The following ANGPT4 variants were observed in gnomAD, a reference collection of about 807,000 sequenced individuals.
The protein encoded by ANGPT4 is angiopoietin-4.
A neutral mutation model predicts 53.0 loss-of-function variants in ANGPT4; 50 were observed. The observed-to-expected ratio is 0.94, with a 90% CI of 0.75 to 1.20. ANGPT4 has a LOEUF of 1.20. Among genes scored for constraint, ANGPT4 ranks in the 50% most tolerant of loss-of-function variants. The pLI, the probability that ANGPT4 is intolerant of heterozygous loss-of-function variation, is 0.00. For synonymous variants in ANGPT4, 251 were observed against 259.7 expected, an observed-to-expected ratio of 0.97 and a Z score of 0.32; for missense variants, 648 against 637.1, an observed-to-expected ratio of 1.02 and a Z score of -0.18.
intron 1 of ANGPT4, among the ~76,000 whole-genome samples, chr20:894,687 A>G (rs1981976413): frequency 6.6e-6 from 1 of 152,228 alleles, no homozygotes; most frequent in Admixed American, 6.5e-5. Context: ...TGCTCCAAGT[A>G]GTCAAACAGC....
chr20:906,890 C>T (rs1361186787), intron 1 of ANGPT4, among the ~76,000 whole-genome samples: 3 of 152,232 alleles, frequency 2.0e-5, no homozygotes, highest in African/African-American at 4.8e-5. Context: ...TGGGGACCAA[C>T]GGGCTCTCAC....
chr20:881,100 C>G (rs4816045), intron 5 of ANGPT4, 71 bp downstream of exon 5: 218,811 of 1,229,528 alleles, frequency 0.18, 24,179 homozygotes, highest in African/African-American at 0.51. Flanking sequence ...CGATGGGGTG[C>G]GGGGTGTCTG....
In ANGPT4 at chr20:888,581, C is replaced by T. The variant is rs1468682538; in HGVS notation, c.466-142G>A. On this transcript the variant is annotated intron_variant, in intron 2 of 8. Transcript: ENST00000381922. ...CAGTCGTAGTTCCTGTGGTTACTCA[C>T]TCACAGGCCCTGACTTAAGCTTATT... The T allele has an allele frequency of 7.4e-6, 10 of 1,353,902 alleles. No homozygotes were observed. The East Asian group carries it at 2.1e-4, about 28-fold the overall frequency. 83.9% of individuals were successfully genotyped at this position (1,353,902 alleles called of 1,614,324 possible).
At chr20:904,198 A>G (rs6108134) in intron 1 of ANGPT4, among the ~76,000 whole-genome samples, 8,942 of 152,280 alleles carry the variant, frequency 0.059, 687 homozygotes, top group African/African-American at 0.18. Flanking sequence ...CTCAACCCAC[A>G]GTTCCCTCCC....
intron 2 of ANGPT4, 103 bp from the exon 3 acceptor site, chr20:888,542 C>T (rs1227258044): frequency 1.3e-6 from 2 of 1,494,166 alleles, no homozygotes; most frequent in Admixed American, 4.4e-5. Flanking sequence ...GAAACTTACC[C>T]ATTTCCACTC....
chr20:889,179 C>G (rs73892516), intron 2 of ANGPT4, among the ~76,000 whole-genome samples: 12 of 151,984 alleles, frequency 7.9e-5, no homozygotes, highest in South Asian at 4.2e-4. Flanking sequence ...CTCATCCCCC[C>G]CCACCACTCC....
chr20:912,495 C>A (rs927692009), intron 1 of ANGPT4, among the ~76,000 whole-genome samples: 3 of 152,210 alleles, frequency 2.0e-5, no homozygotes, highest in African/African-American at 7.2e-5. Context: ...TTCCTGCCTG[C>A]AGCTTCTCAT....
chr20:910,159 G>A (rs1004234728), intron 1 of ANGPT4, among the ~76,000 whole-genome samples: 1 of 152,188 alleles, frequency 6.6e-6, no homozygotes, highest in Non-Finnish European at 1.5e-5. Context: ...CTTCTTGGCT[G>A]TAAGATCTTG....
chr20:903,887 A>T (rs1303675512), intron 1 of ANGPT4, among the ~76,000 whole-genome samples: 3 of 152,082 alleles, frequency 2.0e-5, no homozygotes, highest in African/African-American at 4.8e-5. Context: ...AGTGAGGGGG[A>T]GACCTAAATG....
intron 7 of ANGPT4, among the ~76,000 whole-genome samples, chr20:877,695 C>T (rs1981222042): frequency 6.6e-6 from 1 of 152,134 alleles, no homozygotes; most frequent in African/African-American, 2.4e-5. Flanking sequence ...GCTCATCCTG[C>T]TATTGAAGAA....
At chr20:907,386 G>T (rs929300746) in intron 1 of ANGPT4, among the ~76,000 whole-genome samples, 3 of 152,132 alleles carry the variant, frequency 2.0e-5, no homozygotes, top group Non-Finnish European at 4.4e-5. Flanking sequence ...ATCTGGACTT[G>T]GGAGGGGCTG....
chr20:901,551 G>T (rs1476194200), intron 1 of ANGPT4, among the ~76,000 whole-genome samples: 1 of 152,148 alleles, frequency 6.6e-6, no homozygotes, highest in African/African-American at 2.4e-5. Flanking sequence ...AAGCTTTATT[G>T]CTCACACAAA....
At chr20:897,967 C>A (rs546547886) in intron 1 of ANGPT4, among the ~76,000 whole-genome samples, 4 of 152,184 alleles carry the variant, frequency 2.6e-5, no homozygotes, top group African/African-American at 4.8e-5. Flanking sequence ...CTTACAAGAC[C>A]TGGATGATTT....
At chr20:874,647 T>C (rs1310744868) in intron 7 of ANGPT4, among the ~76,000 whole-genome samples, 1 of 152,194 alleles carries the variant, frequency 6.6e-6, no homozygotes, top group Non-Finnish European at 1.5e-5. Flanking sequence ...GCCTCCCCTA[T>C]CTCACTGAAC....
In ANGPT4 at chr20:885,253, CT is replaced by C; in HGVS notation, c.659del (p.Lys220ArgfsTer5). 1 of 1,583,570 alleles carries C rather than the reference CT, an allele frequency of 6.3e-7. No individual in the cohort carries two copies. The highest frequency in any genetic ancestry group is 8.6e-7 in the Non-Finnish European group (1 of 1,165,060). ...QEELASILSKKAKLLNTLSRQ... is the reference protein window; with the variant it reads ...QEELASILSKXAKLLNTLSRQ... ...GGCTCAGCGTGTTCAGCAGCTTCGC[CT>C]TCTTGCTGAGGATGCTGGCCAGCTC... On this transcript the variant is annotated frameshift_variant, in exon 4 of 9. Transcript: ENST00000381922. LOFTEE classifies it high-confidence loss of function.
chr20:874,610 A>T (rs563787741), intron 7 of ANGPT4, among the ~76,000 whole-genome samples, 196 bp from the exon 8 acceptor site: 1 of 152,306 alleles, frequency 6.6e-6, no homozygotes, highest in African/African-American at 2.4e-5. Flanking sequence ...GCTGCCTCCC[A>T]GGGACAAAGC....
Position 872,991 on chromosome 20 carries a change from G to T in ANGPT4, c.1481C>A (p.Ser494Tyr). 6.2e-7 allele frequency: 1 copy of T among 1,614,094 alleles called. No individual in the cohort carries two copies. The highest frequency in any genetic ancestry group is 8.5e-7 in the Non-Finnish European group (1 of 1,180,020). The stretch of plus-strand genomic sequence containing the variant: ...GTCCAAAGGCCGTATCATCATGCGA[G>T]AGGCACGCAGTGAGTAGCTGGGGCC... ...FKGPSYSLRA[S>Y]RMMIRPLDI is the part of the protein sequence containing the mutation. Residue 494 changes from serine to tyrosine, a missense_variant, in exon 9 of 9, where the codon TCT becomes TAT. Coordinates refer to ENST00000381922, the MANE Select transcript of ANGPT4 (RefSeq NM_015985.4).
intron 6 of ANGPT4, among the ~76,000 whole-genome samples, chr20:878,952 C>T (rs1024679115): frequency 8.5e-5 from 13 of 152,192 alleles, no homozygotes; most frequent in Admixed American, 7.9e-4. Flanking sequence ...GACAGGGGCA[C>T]ACCCAAGGCC....
rs73602180 is a variant in ANGPT4, at chr20:875,598, G to A, written c.1221-1184C>T. ...CCTCAGTTTCTTCATCTGTTCCAGT[G>A]GTAATGATAGTGAAATTAGCAGTGC... On this transcript the variant is annotated intron_variant, in intron 7 of 8. Transcript: ENST00000381922. 4.1e-4 allele frequency among the ~76,000 whole-genome samples: 63 copies of A among 152,326 alleles called. 1 individual carries two copies. In the East Asian group the frequency reaches 0.012, roughly 29 times the overall value.
Sources: allele counts gnomAD v4.1 joint callset (sites outside exome capture counted in the v4.1 genomes callset), GRCh38; gene constraint gnomAD v4.1.1; transcripts MANE v1.5; gene names NCBI Gene and HGNC (gene_info 2026-07-23, HGNC 2026-07-21).